The following CATSPER2 variants were observed in gnomAD, a reference collection of about 807,000 sequenced individuals.
CATSPER2 encodes the protein cation channel sperm associated 2.
Under a neutral mutation model 68.8 loss-of-function variants are expected in CATSPER2, and 56 were observed. The ratio of observed to expected loss-of-function variants is 0.81; its 90% confidence interval spans 0.66 to 1.02. CATSPER2 has a LOEUF of 1.02. Among genes scored for constraint, CATSPER2 ranks in the 50% least tolerant of loss-of-function variants. The pLI is 0.00. For missense variants in CATSPER2, 582 were observed against 642.0 expected, an observed-to-expected ratio of 0.91 and a Z score of 1.01; for synonymous variants, 198 against 229.9, an observed-to-expected ratio of 0.86 and a Z score of 1.26.
At chr15:43,633,039 C>A (rs2085903697) in intron 10 of CATSPER2, 105 bp from the exon 11 acceptor site, 1 of 850,134 alleles carries the variant, frequency 1.2e-6, no homozygotes, top group South Asian at 1.7e-5. Context: ...GGGCATAAGA[C>A]AATGAGGGCC....
At chr15:43,630,866 A>G in intron 12 of CATSPER2, 134 bp from the exon 13 acceptor site, 1 of 1,569,290 alleles carries the variant, frequency 6.4e-7, no homozygotes, top group Non-Finnish European at 8.7e-7. Context: ...AAGCCATATG[A>G]TTCTGTGTAC....
chr15:43,647,471 C>T lies in CATSPER2; in HGVS notation c.146-4G>A. 6.2e-7 allele frequency: 1 copy of T among 1,612,770 alleles called. No homozygotes were observed. The highest frequency in any genetic ancestry group is 1.1e-5 in the South Asian group (1 of 91,030). On this transcript the variant is annotated splice_polypyrimidine_tract_variant and splice_region_variant and intron_variant, in intron 2 of 12. Coordinates refer to ENST00000396879, the MANE Select transcript of CATSPER2 (RefSeq NM_172095.4). ...AGTTTCTTCTGGCGGGAAGGATCTA[C>T]AACAAAAATTAAAAAGGGATAGTGG...
In CATSPER2 at chr15:43,646,860, G is replaced by A. The variant is rs555435925; in HGVS notation, c.388+190C>T. Among the ~76,000 whole-genome samples, 5 of 151,570 alleles carry A rather than the reference G, an allele frequency of 3.3e-5. No homozygotes were observed. In the South Asian group the frequency reaches 6.3e-4, roughly 19 times the overall value. ...CTCCCAAGTAGCTGGGACTACAAGC[G>A]CGTGCTACCAAGCCCGGCTAATTTT... On this transcript the variant is annotated intron_variant, in intron 4 of 12. Transcript: ENST00000396879.
At position 43,632,731 on chromosome 15, in the gene CATSPER2, A is replaced by G. The variant is rs372955193; in HGVS notation, c.1382T>C (p.Phe461Ser). 6.2e-7 allele frequency: 1 copy of G among 1,613,618 alleles called. No homozygotes were observed. Among genetic ancestry groups the G allele is most frequent in the South Asian group, 1.1e-5 (1 of 91,032 alleles). The change falls in exon 11 of 13, where the codon TTT becomes TCT. Residue 461 changes from phenylalanine to serine, a missense_variant. Physicochemically the swap from Phe to Ser is radical, Grantham distance 155 (BLOSUM62 -2). Coordinates refer to ENST00000396879, the MANE Select transcript of CATSPER2 (RefSeq NM_172095.4). ...SSYSSSSESR[F>S]SESIGRLDWE... is the part of the protein sequence containing the mutation. Reference sequence around the variant, plus strand: ...CTTCGGCTCACCAATAGATTCAGAAAATCTGGATTCAGAAGAGGAAGAATA... The same window carrying G: ...CTTCGGCTCACCAATAGATTCAGAAGATCTGGATTCAGAAGAGGAAGAATA...
chr15:43,648,242 G>A (rs1382793464), intron 1 of CATSPER2, among the ~76,000 whole-genome samples, 179 bp from the exon 2 acceptor site: 1 of 151,912 alleles, frequency 6.6e-6, no homozygotes, highest in East Asian at 1.9e-4. Context: ...AGGGTGTTTT[G>A]AAACAAAAGG....
chr15:43,632,126 C>T (rs2085882421), intron 12 of CATSPER2, 73 bp downstream of exon 12: 5 of 1,486,066 alleles, frequency 3.4e-6, no homozygotes, highest in African/African-American at 2.8e-5. Flanking sequence ...TAGTGGACAC[C>T]CTCCTCCTTC....
At chr15:43,632,977 T>C (rs767552674) in intron 10 of CATSPER2, 43 bp from the exon 11 acceptor site, 4 of 1,517,956 alleles carry the variant, frequency 2.6e-6, no homozygotes, top group African/African-American at 2.8e-5. Context: ...TTACAAGATA[T>C]GACTAGTCCA....
rs1173032222 is a variant in CATSPER2, at chr15:43,636,133, G to C, written c.929C>G (p.Pro310Arg). The C allele has an allele frequency of 3.1e-6, 5 of 1,606,644 alleles. No homozygotes were observed. Among genetic ancestry groups the C allele is most frequent in the Non-Finnish European group, 3.4e-6 (4 of 1,174,866 alleles). The change falls in exon 8 of 13, where the codon CCT (proline) becomes CGT (arginine). Residue 310 changes from proline (P) to arginine (R), a missense_variant. This residue lies in a region of CATSPER2 where 235 missense variants were observed against 264.2 expected (regional missense o/e 0.89). Coordinates refer to ENST00000396879, the MANE Select transcript of CATSPER2 (RefSeq NM_172095.4). ...GCTGCTGAAGATGCGACTGACTTCAGGCACCTTCCAGACGTCCTGAAGCAG... is the reference window on the plus strand; with the variant it reads ...GCTGCTGAAGATGCGACTGACTTCACGCACCTTCCAGACGTCCTGAAGCAG... ...YALLQDVWKV[P>R]EVSRIFSSIY...
chr15:43,639,873 T>C, intron 5 of CATSPER2, 75 bp from the exon 6 acceptor site: 5 of 1,605,126 alleles, frequency 3.1e-6, no homozygotes, highest in African/African-American at 1.3e-5. Flanking sequence ...CTTCATCTTA[T>C]CCTCTTCATT....
intron 9 of CATSPER2, among the ~76,000 whole-genome samples, 154 bp downstream of exon 9, chr15:43,635,573 A>T (rs1369785686): frequency 6.6e-6 from 1 of 152,028 alleles, no homozygotes; most frequent in Non-Finnish European, 1.5e-5. Context: ...ACAGTGGATG[A>T]AGAATCAGGC....
Position 43,636,335 on chromosome 15 carries a change from G to C in CATSPER2, c.843-116C>G, listed in dbSNP as rs1347326445. The C allele has an allele frequency of 3.1e-5, 44 of 1,408,020 alleles. 1 individual carries two copies. Among genetic ancestry groups the C allele is most frequent in the Non-Finnish European group, 4.2e-5 (43 of 1,013,714 alleles). 87.2% of individuals were successfully genotyped at this position (1,408,020 alleles called of 1,614,324 possible). A position where few individuals can be genotyped will look rare whatever the true frequency, so the allele number is the denominator to read the frequency against. On this transcript the variant is annotated intron_variant, in intron 7 of 12. Transcript: ENST00000396879. ...TTCTTTGTAGTTTGTTCTGATTTTG[G>C]CTCCTTTTCTACCATACTCAGTTTT...
At chr15:43,640,786 G>C (rs1170749395) in intron 4 of CATSPER2, among the ~76,000 whole-genome samples, 2 of 151,842 alleles carry the variant, frequency 1.3e-5, no homozygotes, top group Non-Finnish European at 2.9e-5. Flanking sequence ...GCTACTAAGA[G>C]AGTACTCTCT....
At chr15:43,632,615 G>T in intron 11 of CATSPER2, 102 bp downstream of exon 11, 1 of 1,592,062 alleles carries the variant, frequency 6.3e-7, no homozygotes, top group Non-Finnish European at 8.5e-7. Context: ...CAGAAAATTG[G>T]AAAGGAGATA....
intron 6 of CATSPER2, 47 bp from the exon 7 acceptor site, chr15:43,639,075 TCTC>T (rs1567129545): frequency 6.2e-7 from 1 of 1,606,160 alleles, no homozygotes; most frequent in East Asian, 2.2e-5. Context: ...ACTAGGCTGA[TCTC>T]CACCAACAGC....
intron 4 of CATSPER2, among the ~76,000 whole-genome samples, chr15:43,642,222 C>A (rs2086088537): frequency 6.6e-6 from 1 of 151,384 alleles, no homozygotes; most frequent in East Asian, 2.0e-4. Flanking sequence ...GCCTCAGCCT[C>A]CCAAGTAGCT....
At chr15:43,646,444 A>G (rs1293636344) in intron 4 of CATSPER2, among the ~76,000 whole-genome samples, 1 of 151,342 alleles carries the variant, frequency 6.6e-6, no homozygotes, top group Non-Finnish European at 1.5e-5. Flanking sequence ...TATTTTTAGT[A>G]CAGATGGGGT....
intron 4 of CATSPER2, chr15:43,642,997 T>C (rs1014458337): frequency 1.3e-5 from 2 of 152,032 alleles, no homozygotes; most frequent in East Asian, 1.9e-4. Flanking sequence ...GCCAGTGAAG[T>C]GAAGTAGCAG....
intron 12 of CATSPER2, among the ~76,000 whole-genome samples, 200 bp from the exon 13 acceptor site, chr15:43,630,932 C>T (rs1186502532): frequency 6.6e-6 from 1 of 151,936 alleles, no homozygotes; most frequent in Non-Finnish European, 1.5e-5. Context: ...CTGCATTTTC[C>T]TCCTTTTCAC....
At chr15:43,644,247 A>G (rs2086121848) in intron 4 of CATSPER2, among the ~76,000 whole-genome samples, 1 of 152,028 alleles carries the variant, frequency 6.6e-6, no homozygotes, top group African/African-American at 2.4e-5. Flanking sequence ...AATGTTTATC[A>G]TATGAATTAG....
Sources: allele counts gnomAD v4.1 joint callset (sites outside exome capture counted in the v4.1 genomes callset), GRCh38; gene constraint gnomAD v4.1.1; regional missense constraint gnomAD v4.1.1; transcripts MANE v1.5; gene names NCBI Gene and HGNC (gene_info 2026-07-23, HGNC 2026-07-21).